The following NKAIN2 variants were observed in gnomAD, a reference collection of about 807,000 sequenced individuals.
The protein encoded by NKAIN2 is sodium/potassium transporting ATPase interacting 2.
NKAIN2 carries 14 observed loss-of-function variants against 32.6 expected under a neutral mutation model. The ratio of observed to expected loss-of-function variants is 0.43; its 90% CI spans 0.28 to 0.67. The LOEUF (loss-of-function observed/expected upper bound fraction) is 0.67, where lower values mean the gene tolerates loss of function less well. Among genes scored for constraint, NKAIN2 ranks in the 30% least tolerant of loss-of-function variants. The probability of loss-of-function intolerance (pLI) is 0.17; values close to 1 mark genes in which losing one functional copy is unlikely to be tolerated. For missense variants in NKAIN2, 198 were observed against 258.3 expected (o/e 0.77, Z 1.60); for synonymous variants, 80 against 87.2 (o/e 0.92, Z 0.46).
intron 4 of NKAIN2, among the ~76,000 whole-genome samples, chr6:124,735,847 C>G (rs746438087): frequency 6.6e-6 from 1 of 151,860 alleles, no homozygotes; most frequent in African/African-American, 2.4e-5. Flanking sequence ...CCCCATCTCT[C>G]TCCCTTTCTT....
chr6:124,175,121 G>C (rs1250487022), intron 1 of NKAIN2, among the ~76,000 whole-genome samples: 2 of 152,052 alleles, frequency 1.3e-5, no homozygotes, highest in African/African-American at 2.4e-5. Flanking sequence ...CAAAAGGTGG[G>C]TGCTGAATGT....
chr6:124,133,620 A>G (rs1786585428), intron 1 of NKAIN2, among the ~76,000 whole-genome samples: 2 of 152,162 alleles, frequency 1.3e-5, no homozygotes, highest in East Asian at 1.9e-4. Context: ...TAAATAAAGT[A>G]TACACCACAA....
intron 1 of NKAIN2, among the ~76,000 whole-genome samples, chr6:124,226,534 G>C (rs1792120526): frequency 6.6e-6 from 1 of 151,994 alleles, no homozygotes; most frequent in Non-Finnish European, 1.5e-5. Flanking sequence ...CAAAGGCAGA[G>C]TGTTGCCCTA....
At chr6:124,378,169 C>T (rs79026710) in intron 3 of NKAIN2, among the ~76,000 whole-genome samples, 1 of 151,990 alleles carries the variant, frequency 6.6e-6, no homozygotes, top group African/African-American at 2.4e-5. Context: ...CACTTCAGCC[C>T]AATGCACTTT....
intron 1 of NKAIN2, among the ~76,000 whole-genome samples, chr6:124,232,036 G>C (rs571744673): frequency 6.6e-6 from 1 of 152,068 alleles, no homozygotes; most frequent in East Asian, 1.9e-4. Flanking sequence ...CTCCGTTCTT[G>C]TAGGCACATC....
intron 1 of NKAIN2, among the ~76,000 whole-genome samples, chr6:124,032,855 A>G (rs1426548844): frequency 6.6e-6 from 1 of 152,086 alleles, no homozygotes; most frequent in Non-Finnish European, 1.5e-5. Flanking sequence ...AAGGCCATAT[A>G]GGAATAGTAT....
intron 3 of NKAIN2, among the ~76,000 whole-genome samples, chr6:124,566,904 GA>G (rs1433128138): frequency 6.6e-6 from 1 of 152,106 alleles, no homozygotes. Context: ...GAGAAAGAAA[GA>G]AAAGAGAATG....
At chr6:123,989,794 A>G (rs1224555928) in intron 1 of NKAIN2, among the ~76,000 whole-genome samples, 1 of 152,224 alleles carries the variant, frequency 6.6e-6, no homozygotes, top group Non-Finnish European at 1.5e-5. Context: ...ACTTTCAAGC[A>G]TAAAATTTAT....
chr6:124,756,064 G>A (rs1389466983), intron 4 of NKAIN2, among the ~76,000 whole-genome samples: 1 of 151,834 alleles, frequency 6.6e-6, no homozygotes, highest in Non-Finnish European at 1.5e-5. Context: ...ACCACATTTG[G>A]TATATTACCT....
chr6:123,892,971 A>T (rs190765358), intron 1 of NKAIN2, among the ~76,000 whole-genome samples: 39 of 151,792 alleles, frequency 2.6e-4, no homozygotes, highest in Admixed American at 7.2e-4. Flanking sequence ...AATAAACTGA[A>T]GTTCTGTGAT....
At chr6:124,821,533 A>G (rs1238121542) in intron 6 of NKAIN2, among the ~76,000 whole-genome samples, 1 of 152,082 alleles carries the variant, frequency 6.6e-6, no homozygotes, top group Admixed American at 6.6e-5. Context: ...TAAAGAAGAG[A>G]CTCTACAAAG....
chr6:124,029,490 A>G (rs1361880127), intron 1 of NKAIN2, among the ~76,000 whole-genome samples: 1 of 152,176 alleles, frequency 6.6e-6, no homozygotes, highest in African/African-American at 2.4e-5. Context: ...TCAAAGTTGT[A>G]AATTTGATAA....
rs36066775 is a variant in NKAIN2, at chr6:123,818,354, A to AACACAC, written c.54+14142_54+14147dup. On this transcript the variant is annotated intron_variant, in intron 1 of 6. Transcript: ENST00000368417. Reference sequence around the variant, plus strand: ...AACAAATTTTCAGACTTCTTGTGGAAACACACACACACACACACACACACA... The same window carrying AACACAC: ...AACAAATTTTCAGACTTCTTGTGGAAACACACACACACACACACACACACACACACA... Among the ~76,000 whole-genome samples the AACACAC allele has an allele frequency of 5.4e-3, 785 of 144,602 alleles. 2 individuals are homozygous for AACACAC. Among genetic ancestry groups the AACACAC allele is most frequent in the African/African-American group, 0.011 (421 of 39,730 alleles). The allele number at this position is 144,602 out of a possible 152,430, so 94.9% of individuals were successfully genotyped here. A position where few individuals can be genotyped will look rare whatever the true frequency, so the allele number is the denominator to read the frequency against.
chr6:124,723,440 C>T (rs557931465), intron 4 of NKAIN2, among the ~76,000 whole-genome samples: 2 of 152,142 alleles, frequency 1.3e-5, no homozygotes, highest in East Asian at 3.9e-4. Flanking sequence ...TTATTTTTAT[C>T]TATTTCCCTT....
intron 1 of NKAIN2, among the ~76,000 whole-genome samples, chr6:124,191,525 A>T (rs1249861404): frequency 1.3e-5 from 2 of 152,192 alleles, no homozygotes; most frequent in African/African-American, 4.8e-5. Context: ...TAAACTTTAC[A>T]AAGATGATCA....
chr6:124,059,200 A>G (rs774477131), intron 1 of NKAIN2, among the ~76,000 whole-genome samples: 2 of 152,144 alleles, frequency 1.3e-5, no homozygotes, highest in Non-Finnish European at 2.9e-5. Context: ...TGTTAAATCC[A>G]CTATCAATAC....
At chr6:123,855,008 G>A (rs769495431) in intron 1 of NKAIN2, among the ~76,000 whole-genome samples, 24 of 152,206 alleles carry the variant, frequency 1.6e-4, no homozygotes, top group Admixed American at 4.6e-4. Flanking sequence ...TACTCTGTCC[G>A]AATGTCATTA....
At chr6:124,636,757 T>A (rs531374276) in intron 3 of NKAIN2, among the ~76,000 whole-genome samples, 1 of 152,040 alleles carries the variant, frequency 6.6e-6, no homozygotes, top group East Asian at 1.9e-4. Flanking sequence ...GATTGATCAA[T>A]AATAAAGTCA....
chr6:123,883,231 G>A (rs886223778), intron 1 of NKAIN2, among the ~76,000 whole-genome samples: 4 of 151,924 alleles, frequency 2.6e-5, no homozygotes, highest in East Asian at 1.9e-4. Context: ...TGCAAGCTCC[G>A]CCTCCTGGGT....
Sources: gnomAD v4.1 joint callset for allele counts (sites outside exome capture counted in the v4.1 genomes callset) on GRCh38, gnomAD v4.1.1 for gene constraint, MANE v1.5 for transcripts, NCBI Gene and HGNC (gene_info 2026-07-23, HGNC 2026-07-21) for gene names.